Variants in A1BG observed in about 807,000 individuals in gnomAD.
The protein encoded by A1BG is alpha-1-B glycoprotein.
In A1BG, 44 loss-of-function variants were observed where a neutral mutation model predicts 46.0. The observed-to-expected ratio is 0.96, with a 90% CI of 0.75 to 1.23. The LOEUF (loss-of-function observed/expected upper bound fraction) is 1.23. Ranked by LOEUF, A1BG falls within the 50% of genes most tolerant of loss-of-function variation. A1BG has a pLI of 0.00. For missense variants in A1BG, 707 were observed against 688.8 expected (o/e 1.03, Z -0.30); for synonymous variants, 316 against 314.7 (o/e 1.00, Z -0.04).
intron 7 of A1BG, 94 bp from the exon 8 acceptor site, chr19:58,347,123 C>T: frequency 6.6e-7 from 1 of 1,505,910 alleles, no homozygotes; most frequent in South Asian, 1.2e-5. Flanking sequence ...GACGCCCCCC[C>T]GGAAGGAAGC....
rs2051958408 is a variant in A1BG at position 58,351,517 on chromosome 19, T to C, written c.784A>G (p.Ile262Val). 11 of 1,613,922 alleles carry C rather than the reference T, an allele frequency of 6.8e-6. No homozygotes were observed. Among genetic ancestry groups the C allele is most frequent in the Non-Finnish European group, 9.3e-6 (11 of 1,180,032 alleles). The change falls in exon 5 of 8, where the codon ATC becomes GTC. Residue 262 changes from isoleucine (I) to valine (V), a missense_variant. By Grantham distance (29) the Ile-to-Val change is conservative. Coordinates refer to ENST00000263100, the MANE Select transcript of A1BG (RefSeq NM_130786.4). Reference sequence around the variant, plus strand: ...GCCACCGCGTTCAGGTGAAAGAAGATGCGATCTGGGCTGGTGCTGCTCCTG... The same window carrying C: ...GCCACCGCGTTCAGGTGAAAGAAGACGCGATCTGGGCTGGTGCTGCTCCTG... Reference protein sequence around the residue: ...VPRSSTSPDRIFFHLNAVALG... With the variant: ...VPRSSTSPDRVFFHLNAVALG...
intron 1 of A1BG, 34 bp from the exon 2 acceptor site, chr19:58,353,361 C>A: frequency 6.2e-7 from 1 of 1,608,308 alleles, no homozygotes; most frequent in East Asian, 2.2e-5. Context: ...CTCCTGTTCC[C>A]GCCCCCTCCC....
At chr19:58,352,633 C>G (rs574217072) in intron 3 of A1BG, 78 bp from the exon 4 acceptor site, 15 of 1,514,516 alleles carry the variant, frequency 9.9e-6, no homozygotes, top group Non-Finnish European at 1.3e-5. Flanking sequence ...GGGCCCCACA[C>G]TCATAAGACT....
Position 58,353,211 on chromosome 19 carries a change from C to T in A1BG, c.71-14G>A. 1 of 1,613,374 alleles carries T rather than the reference C, an allele frequency of 6.2e-7. No individual in the cohort carries two copies. ...GCGTCTCATAAACTGCAAGGGGTGG[C>T]TGGGATCAGCTCAGTGCCACAGAGA... is the stretch of plus-strand genomic sequence containing the variant. On this transcript the variant is annotated splice_polypyrimidine_tract_variant and intron_variant, in intron 2 of 7. Transcript: ENST00000263100.
chr19:58,350,526 C>T lies in A1BG; in HGVS notation c.1036G>A (p.Val346Met). 3 of 1,550,780 alleles carry T rather than the reference C, an allele frequency of 1.9e-6. No individual in the cohort carries two copies. Among genetic ancestry groups the T allele is most frequent in the Non-Finnish European group, 2.6e-6 (3 of 1,147,438 alleles). The change falls in exon 6 of 8, where the codon GTG (valine) becomes ATG (methionine). Residue 346 changes from valine to methionine, a missense_variant. Val to Met is a conservative substitution (Grantham distance 21). Transcript: ENST00000263100. Reference sequence around the variant, plus strand: ...CCAGCGGGGCTCTGGAAACGGTGCACGCGGCGCCCGCCCCTGTCCTCGCGC... The same window carrying T: ...CCAGCGGGGCTCTGGAAACGGTGCATGCGGCGCCCGCCCCTGTCCTCGCGC... ...LVREDRGGRRVHRFQSPAGTE... is the reference protein window; with the variant it reads ...LVREDRGGRRMHRFQSPAGTE...
rs2051959955 is a variant in A1BG at position 58,351,637 on chromosome 19, G to A, written c.664C>T (p.Leu222=). 2 of 1,611,392 alleles carry A rather than the reference G, an allele frequency of 1.2e-6. No individual in the cohort carries two copies. Among genetic ancestry groups the A allele is most frequent in the South Asian group, 1.1e-5 (1 of 90,790 alleles). The change falls in exon 5 of 8, where the codon CTG becomes TTG. Residue 222 remains leucine (L), a synonymous_variant. Transcript: ENST00000263100. ...AGGGTCACCTTGTTGCCAGGGTGCA[G>A]GACCTGGGAGGACTCTCCATGGTGC... ...LMHHGESSQV[L]HPGNKVTLTC...
Position 58,347,465 on chromosome 19 carries a change from C to T in A1BG, c.1368G>A (p.Glu456=). 1 of 1,602,488 alleles carries T rather than the reference C, an allele frequency of 6.2e-7. No homozygotes were observed. The highest frequency in any genetic ancestry group is 8.5e-7 in the Non-Finnish European group (1 of 1,173,530). Reference sequence around the variant, plus strand: ...CGTGCTGGGGCCCCACGAAGATCAGCTCGAGGTTCGCCGCGGCCCCGGGGG... The same window carrying T: ...CGTGCTGGGGCCCCACGAAGATCAGTTCGAGGTTCGCCGCGGCCCCGGGGG... ...VRTPGAAANL[E]LIFVGPQHAG... is the part of the protein sequence containing the mutation. Residue 456 remains glutamate, a synonymous_variant, in exon 7 of 8, where the codon GAG becomes GAA. Transcript: ENST00000263100.
At chr19:58,347,162 A>T in intron 7 of A1BG, 133 bp from the exon 8 acceptor site, 1 of 1,345,400 alleles carries the variant, frequency 7.4e-7, no homozygotes, top group Non-Finnish European at 1.0e-6. Flanking sequence ...CGAGACCCCC[A>T]TCTGCGCCTC....
chr19:58,351,975 T>C lies in A1BG; in HGVS notation c.614-288A>G, dbSNP rs2051963805. Reference sequence around the variant, plus strand: ...CACACCTGGCTAATTTTTGTATTTTTAGTAGAGACGGGGTTTCGTCATGTT... The same window carrying C: ...CACACCTGGCTAATTTTTGTATTTTCAGTAGAGACGGGGTTTCGTCATGTT... On this transcript the variant is annotated intron_variant, in intron 4 of 7. Transcript: ENST00000263100. The C allele has an allele frequency of 3.3e-6, 3 of 903,950 alleles. No homozygotes were observed. In the East Asian group the frequency reaches 8.5e-5, roughly 26 times the overall value. 56.0% of individuals were successfully genotyped at this position (903,950 alleles called of 1,614,324 possible).
Position 58,353,116 on chromosome 19 carries a change from G to C in A1BG, c.152C>G (p.Ala51Gly), listed in dbSNP as rs201732704. ...PLANVTLTCQ[A>G]HLETPDFQLF... ...CTGGAAGTCTGGAGTCTCCAGGTGG[G>C]CCTGGCACGTCAGCGTCACATTGGC... Residue 51 changes from alanine to glycine, a missense_variant, in exon 3 of 8, where the codon GCC becomes GGC. By Grantham distance (60) the Ala-to-Gly change is moderately conservative. Transcript: ENST00000263100. 6.8e-6 allele frequency: 11 copies of C among 1,614,130 alleles called. No individual in the cohort carries two copies. The highest frequency in any genetic ancestry group is 6.7e-5 in the Admixed American group (4 of 60,024).
intron 7 of A1BG, 26 bp from the exon 8 acceptor site, chr19:58,347,055 G>A (rs1429856471): frequency 4.3e-6 from 7 of 1,613,878 alleles, no homozygotes; most frequent in Non-Finnish European, 5.9e-6. Flanking sequence ...AAAGAGAAAT[G>A]GTGGAGGAGG....
At position 58,353,315 on chromosome 19, in the gene A1BG, C is replaced by G. The variant is rs1465455415; in HGVS notation, c.47G>C (p.Gly16Ala). Residue 16 changes from glycine (G) to alanine (A), a missense_variant, in exon 2 of 8, where the codon GGC (glycine) becomes GCC (alanine). Transcript: ENST00000263100. ...VFLLLWGVTWGPVTEAAIFYE... is the reference protein window; with the variant it reads ...VFLLLWGVTWAPVTEAAIFYE... Reference sequence around the variant, plus strand: ...ACATATGGCTGCTTCTGTCACTGGGCCCCAGGTGACACCTGCGGAGACAGC... The same window carrying G: ...ACATATGGCTGCTTCTGTCACTGGGGCCCAGGTGACACCTGCGGAGACAGC... 6.2e-7 allele frequency: 1 copy of G among 1,612,728 alleles called. No individual in the cohort carries two copies. Among genetic ancestry groups the G allele is most frequent in the Admixed American group, 1.7e-5 (1 of 59,810 alleles).
chr19:58,346,827 C>T lies in A1BG; in HGVS notation c.*195G>A. 3.5e-5 allele frequency: 25 copies of T among 714,370 alleles called. 1 individual carries two copies. The South Asian group carries it at 3.7e-4, about 11-fold the overall frequency. The allele number at this position is 714,370 out of a possible 1,614,324, so 44.3% of individuals were successfully genotyped here. ...CACTTTGAGGACACGAGATCCCAGC[C>T]CACTCAGCCCTGGGAGTCCAAAGAC... On this transcript the variant is annotated 3_prime_UTR_variant, in exon 8 of 8. Coordinates refer to ENST00000263100, the MANE Select transcript of A1BG (RefSeq NM_130786.4).
chr19:58,351,941 A>G (rs2051963517), intron 4 of A1BG: 1 of 722,042 alleles, frequency 1.4e-6, no homozygotes, highest in Non-Finnish European at 2.2e-6. Flanking sequence ...TACTACAGGC[A>G]CCTGCCACCA....
chr19:58,351,310 C>G, intron 5 of A1BG, 81 bp downstream of exon 5: 1 of 1,541,648 alleles, frequency 6.5e-7, no homozygotes, highest in Non-Finnish European at 8.8e-7. Context: ...GAGCACTGCA[C>G]TTCCCCAGAC....
Position 58,347,378 on chromosome 19 carries a change from G to A in A1BG, c.1455C>T (p.Ser485=). The A allele has an allele frequency of 1.2e-6, 2 of 1,612,006 alleles. No homozygotes were observed. The highest frequency in any genetic ancestry group is 1.7e-6 in the Non-Finnish European group (2 of 1,179,764). ...WVPHTFESEL[S]DPVELLVAES ...CTGCCACCAGGAGCTCCACAGGGTCGCTGAGCTCCGATTCGAAGGTGTGGG... is the reference window on the plus strand; with the variant it reads ...CTGCCACCAGGAGCTCCACAGGGTCACTGAGCTCCGATTCGAAGGTGTGGG... Residue 485 remains serine (S), a synonymous_variant, in exon 7 of 8, where the codon AGC becomes AGT. Transcript: ENST00000263100.
rs1277207872 is a variant in A1BG at position 58,350,440 on chromosome 19, G to C, written c.1122C>G (p.Cys374Trp). 6.4e-7 allele frequency: 1 copy of C among 1,552,472 alleles called. No individual in the cohort carries two copies. The highest frequency in any genetic ancestry group is 8.7e-7 in the Non-Finnish European group (1 of 1,148,134). Residue 374 changes from cysteine to tryptophan, a missense_variant, in exon 6 of 8, where the codon TGC (cysteine) becomes TGG (tryptophan). Transcript: ENST00000263100. The part of the protein sequence containing the change: ...ISVADSANYS[C>W]VYVDLKPPFG... Reference sequence around the variant, plus strand: ...AAGGCGGCTTCAGGTCCACGTAGACGCAGCTGTAGTTGGCGGAGTCAGCCA... The same window carrying C: ...AAGGCGGCTTCAGGTCCACGTAGACCCAGCTGTAGTTGGCGGAGTCAGCCA...
rs1373021738 is a variant in A1BG, at chr19:58,353,085, G to A, written c.183C>T (p.Phe61=). The stretch of plus-strand genomic sequence containing the variant: ...CAGGCTCCTGGGCCACCCCATTCTT[G>A]AACAGCTGGAAGTCTGGAGTCTCCA... ...AHLETPDFQL[F]KNGVAQEPVH... Residue 61 remains phenylalanine (F), a synonymous_variant, in exon 3 of 8, where the codon TTC becomes TTT. Transcript: ENST00000263100. 6.2e-7 allele frequency: 1 copy of A among 1,614,170 alleles called. No homozygotes were observed. Among genetic ancestry groups the A allele is most frequent in the South Asian group, 1.1e-5 (1 of 91,078 alleles).
Position 58,347,141 on chromosome 19 carries a change from C to A in A1BG, c.1481-112G>T. 3 of 1,441,460 alleles carry A rather than the reference C, an allele frequency of 2.1e-6. No homozygotes were observed. The South Asian group carries it at 3.7e-5, about 18-fold the overall frequency. 89.3% of individuals were successfully genotyped at this position (1,441,460 alleles called of 1,614,324 possible). A position where few individuals can be genotyped will look rare whatever the true frequency, so the allele number is the denominator to read the frequency against. On this transcript the variant is annotated intron_variant, in intron 7 of 7. Transcript: ENST00000263100. ...GCCCCCCCGGAAGGAAGCGCGTGGT[C>A]GGCTGCCAGCCGAGACCCCCATCTG...
Sources: gnomAD v4.1 joint callset for allele counts on GRCh38, gnomAD v4.1.1 for gene constraint, MANE v1.5 for transcripts, NCBI Gene and HGNC (gene_info 2026-07-23, HGNC 2026-07-21) for gene names.